CCT3: variants seen among roughly 807,000 people sequenced by gnomAD.
The protein encoded by CCT3 is T-complex protein 1 subunit gamma.
CCT3 carries 10 observed loss-of-function variants against 65.3 expected under a neutral mutation model. The ratio of observed to expected loss-of-function variants is 0.15; its 90% CI spans 0.09 to 0.26. The LOEUF is 0.26. Among genes scored for constraint, CCT3 ranks in the 10% least tolerant of loss-of-function variants. The pLI, the probability that CCT3 is intolerant of heterozygous loss-of-function variation, is 1.00. For synonymous variants in CCT3, 225 were observed against 242.3 expected, an observed-to-expected ratio of 0.93 and a Z score of 0.66; for missense variants, 626 against 708.7, an observed-to-expected ratio of 0.88 and a Z score of 1.33.
chr1:156,334,931 G>C lies in CCT3; in HGVS notation c.94-13C>G, dbSNP rs758991460. On this transcript the variant is annotated splice_polypyrimidine_tract_variant and intron_variant, in intron 2 of 13. Coordinates refer to ENST00000295688, the MANE Select transcript of CCT3 (RefSeq NM_005998.5). ...TATCTGCAATAGTCTAATGGAAAGG[G>C]AACATAAAATACGCAAGCACAAATC... 5.6e-6 allele frequency: 9 copies of C among 1,613,242 alleles called. No individual in the cohort carries two copies. Among genetic ancestry groups the C allele is most frequent in the Non-Finnish European group, 7.6e-6 (9 of 1,179,430 alleles).
At chr1:156,335,591 T>C (rs1050147215) in intron 2 of CCT3, 11 of 472,210 alleles carry the variant, frequency 2.3e-5, no homozygotes, top group South Asian at 4.4e-5. Context: ...TATAAAACAA[T>C]ACACAGCAAC....
chr1:156,310,877 A>G (rs1664057481), intron 12 of CCT3, 73 bp downstream of exon 12: 5 of 1,546,072 alleles, frequency 3.2e-6, no homozygotes, highest in Non-Finnish European at 3.5e-6. Flanking sequence ...GGATAGCCAG[A>G]TAAGAATCTT....
chr1:156,327,379 G>A (rs1664868566), intron 5 of CCT3, among the ~76,000 whole-genome samples: 1 of 152,094 alleles, frequency 6.6e-6, no homozygotes, highest in South Asian at 2.1e-4. Context: ...TCGGCTCACT[G>A]CAACCTCCCT....
chr1:156,326,649 C>CAAAAAAA (rs760908966), intron 5 of CCT3, among the ~76,000 whole-genome samples: 15 of 65,568 alleles, frequency 2.3e-4, no homozygotes, highest in African/African-American at 6.3e-4. Context: ...GACTCCATCT[C>CAAAAAAA]AAAAAAAAAA....
chr1:156,313,247 G>A (rs960171936), intron 10 of CCT3, among the ~76,000 whole-genome samples: 1 of 150,600 alleles, frequency 6.6e-6, no homozygotes, highest in Non-Finnish European at 1.5e-5. Flanking sequence ...CCTGAGGCAG[G>A]AGAATCACTT....
intron 6 of CCT3, among the ~76,000 whole-genome samples, chr1:156,321,986 T>C (rs1396878599): frequency 6.6e-6 from 1 of 152,204 alleles, no homozygotes; most frequent in East Asian, 1.9e-4. Context: ...CTGGGTGCCA[T>C]GCTTCACGCC....
At chr1:156,309,812 G>A (rs1472154669) in intron 13 of CCT3, among the ~76,000 whole-genome samples, 1 of 151,636 alleles carries the variant, frequency 6.6e-6, no homozygotes, top group Non-Finnish European at 1.5e-5. Flanking sequence ...GTCAAGGCAG[G>A]TGGATCACAA....
intron 4 of CCT3, among the ~76,000 whole-genome samples, chr1:156,333,848 T>G (rs560498639): frequency 1.8e-4 from 28 of 152,210 alleles, no homozygotes; most frequent in Admixed American, 1.8e-3. Flanking sequence ...GTGTATTACA[T>G]GAACTCAACT....
At chr1:156,317,065 T>C (rs1307028698) in intron 10 of CCT3, 101 bp downstream of exon 10, 1 of 1,030,124 alleles carries the variant, frequency 9.7e-7, no homozygotes, top group East Asian at 2.4e-5. Flanking sequence ...TACCTGTTAC[T>C]ATATCCTTTA....
chr1:156,311,257 C>T lies in CCT3; in HGVS notation c.1156-62G>A. 11 of 1,540,862 alleles carry T rather than the reference C, an allele frequency of 7.1e-6. No homozygotes were observed. The South Asian group carries it at 1.3e-4, about 19-fold the overall frequency. ...TGATGACTCATAAAATCGGAGGCAC[C>T]AAAAGGACTTCCTAACTGCCAAAGT... is the stretch of plus-strand genomic sequence containing the variant. On this transcript the variant is annotated intron_variant, in intron 11 of 13. Transcript: ENST00000295688.
intron 8 of CCT3, among the ~76,000 whole-genome samples, chr1:156,318,224 ATT>A (rs58622068): frequency 2.6e-4 from 34 of 130,492 alleles, no homozygotes; most frequent in Admixed American, 4.1e-4. Context: ...GCCCTCTAGA[ATT>A]TTTTTTTTTT....
At chr1:156,310,754 G>T (rs1424428842) in intron 12 of CCT3, 65 bp from the exon 13 acceptor site, 2 of 1,579,930 alleles carry the variant, frequency 1.3e-6, no homozygotes, top group African/African-American at 2.7e-5. Flanking sequence ...AAGAAATGAA[G>T]TAAAAAACAA....
Position 156,320,828 on chromosome 1 carries a change from T to G in CCT3, c.609+11A>C, listed in dbSNP as rs1399266870. 1 of 1,584,662 alleles carries G rather than the reference T, an allele frequency of 6.3e-7. No homozygotes were observed. Among genetic ancestry groups the G allele is most frequent in the Non-Finnish European group, 8.7e-7 (1 of 1,154,084 alleles). The stretch of plus-strand genomic sequence containing the variant: ...ATAATTTGACCCAATGTATACACTT[T>G]GAAAGTTTACCTTTTCCACTCTTGC... On this transcript the variant is annotated intron_variant, in intron 7 of 13. Coordinates refer to ENST00000295688, the MANE Select transcript of CCT3 (RefSeq NM_005998.5).
At chr1:156,333,500 G>T in intron 5 of CCT3, 47 bp downstream of exon 5, 1 of 1,292,578 alleles carries the variant, frequency 7.7e-7, no homozygotes, top group Non-Finnish European at 1.1e-6. Context: ...ATATGACACA[G>T]GTGTTACTTC....
At chr1:156,312,354 T>C in intron 10 of CCT3, 133 bp from the exon 11 acceptor site, 1 of 731,550 alleles carries the variant, frequency 1.4e-6, no homozygotes, top group South Asian at 2.3e-5. Context: ...AGGTCTTGCC[T>C]GTCCGGTGAA....
intron 5 of CCT3, among the ~76,000 whole-genome samples, chr1:156,329,238 C>G (rs1356132962): frequency 6.6e-6 from 1 of 151,930 alleles, no homozygotes; most frequent in Non-Finnish European, 1.5e-5. Context: ...GTAAAGTACA[C>G]TCCATGAAGT....
At position 156,327,969 on chromosome 1, in the gene CCT3, G is replaced by C. The variant is rs181025716; in HGVS notation, c.305-2880C>G. 9.4e-3 allele frequency among the ~76,000 whole-genome samples: 1,375 copies of C among 145,938 alleles called. 24 individuals are homozygous for C. The highest frequency in any genetic ancestry group is 0.033 in the African/African-American group (1,325 of 39,600). The stretch of plus-strand genomic sequence containing the variant: ...CGTCTGGGAGGTGAGGAGACCCTCT[G>C]CCTGGCAACCGCCCTGTCTGAGAAG... On this transcript the variant is annotated intron_variant, in intron 5 of 13. Transcript: ENST00000295688.
intron 10 of CCT3, among the ~76,000 whole-genome samples, chr1:156,316,215 G>A (rs924359818): frequency 6.6e-6 from 1 of 152,060 alleles, no homozygotes; most frequent in Non-Finnish European, 1.5e-5. Context: ...GCTATATTAG[G>A]CATTATAAGC....
intron 8 of CCT3, 150 bp from the exon 9 acceptor site, chr1:156,317,697 T>G (rs1664365728): frequency 1.5e-6 from 1 of 678,530 alleles, no homozygotes; most frequent in Non-Finnish European, 2.4e-6. Flanking sequence ...GTAAGCCAAT[T>G]TAGCTTTAGT....
Sources: allele counts gnomAD v4.1 joint callset (sites outside exome capture counted in the v4.1 genomes callset), GRCh38; gene constraint gnomAD v4.1.1; transcripts MANE v1.5; gene names NCBI Gene and HGNC (gene_info 2026-07-23, HGNC 2026-07-21).